Variants in EEFSEC observed in about 807,000 individuals in gnomAD.
The protein encoded by EEFSEC is selenocysteine-specific elongation factor.
In EEFSEC, 43 loss-of-function variants were observed where a neutral mutation model predicts 42.1. The ratio of observed to expected loss-of-function variants is 1.02; its 90% CI spans 0.80 to 1.32. The LOEUF is 1.32. Among genes scored for constraint, EEFSEC ranks in the 40% most tolerant of loss-of-function variants. The pLI is 0.00. For missense variants in EEFSEC, 745 were observed against 803.6 expected (o/e 0.93, Z 0.88); for synonymous variants, 354 against 339.1 (o/e 1.04, Z -0.48).
intron 6 of EEFSEC, among the ~76,000 whole-genome samples, chr3:128,374,840 T>G (rs1248706234): frequency 6.6e-6 from 1 of 152,074 alleles, no homozygotes; most frequent in African/African-American, 2.4e-5. Flanking sequence ...CACAGAGAGG[T>G]AAAGGAAAGT....
chr3:128,304,952 G>A (rs1369234029), intron 4 of EEFSEC, among the ~76,000 whole-genome samples: 1 of 152,070 alleles, frequency 6.6e-6, no homozygotes, highest in Non-Finnish European at 1.5e-5. Context: ...GACCCACCTG[G>A]CTTGACCTCC....
chr3:128,252,345 C>T (rs949307581), intron 2 of EEFSEC, among the ~76,000 whole-genome samples: 3 of 152,182 alleles, frequency 2.0e-5, no homozygotes, highest in Admixed American at 6.5e-5. Flanking sequence ...CTCCATCTCT[C>T]TGAGCTGCTA....
chr3:128,278,107 T>C (rs1484442625), intron 4 of EEFSEC, among the ~76,000 whole-genome samples: 1 of 151,908 alleles, frequency 6.6e-6, no homozygotes, highest in Non-Finnish European at 1.5e-5. Flanking sequence ...TTTTGCAGGG[T>C]GGGTGATGTA....
chr3:128,177,393 A>ACCC (rs1559855853), intron 1 of EEFSEC, among the ~76,000 whole-genome samples: 1 of 133,862 alleles, frequency 7.5e-6, no homozygotes, highest in African/African-American at 2.8e-5. Flanking sequence ...AAATAGTGAC[A>ACCC]CCACCCCCAC....
In EEFSEC at chr3:128,262,087, C is replaced by T. The variant is rs2066302815; in HGVS notation, c.525-41C>T. ...ATGGACGTGCTTTGTGTCCATGTTG[C>T]TGATCTCTGTAACTGTGATGGGACT... is the stretch of plus-strand genomic sequence containing the variant. On this transcript the variant is annotated intron_variant, in intron 2 of 6. Coordinates refer to ENST00000254730, the MANE Select transcript of EEFSEC (RefSeq NM_021937.5). 2.5e-6 allele frequency: 4 copies of T among 1,593,680 alleles called. No homozygotes were observed. In the East Asian group the frequency reaches 8.9e-5, roughly 36 times the overall value.
intron 1 of EEFSEC, among the ~76,000 whole-genome samples, chr3:128,238,528 T>C (rs1429165325): frequency 1.3e-5 from 2 of 152,200 alleles, no homozygotes; most frequent in East Asian, 3.9e-4. Flanking sequence ...TTTGGGGTTT[T>C]CTTTGAGCTT....
At chr3:128,350,878 T>C (rs955798937) in intron 5 of EEFSEC, among the ~76,000 whole-genome samples, 1 of 152,068 alleles carries the variant, frequency 6.6e-6, no homozygotes, top group Non-Finnish European at 1.5e-5. Flanking sequence ...ATGGCCTGCA[T>C]TGAGGAGGAG....
intron 1 of EEFSEC, among the ~76,000 whole-genome samples, chr3:128,179,671 G>A (rs927981635): frequency 6.6e-5 from 10 of 152,130 alleles, no homozygotes; most frequent in Non-Finnish European, 8.8e-5. Context: ...GGCTTGGGCC[G>A]GCAGACGGGC....
Position 128,408,290 on chromosome 3 carries a change from G to A in EEFSEC, c.*31G>A, listed in dbSNP as rs115641692. On this transcript the variant is annotated 3_prime_UTR_variant, in exon 7 of 7. Transcript: ENST00000254730. Reference sequence around the variant, plus strand: ...CGGTGACCTCCCCCAGGGCCTCCTTGCCCAGCCCAGTCCAGGCTGCTGTGC... The same window carrying A: ...CGGTGACCTCCCCCAGGGCCTCCTTACCCAGCCCAGTCCAGGCTGCTGTGC... The A allele has an allele frequency of 8.2e-3, 12,416 of 1,521,978 alleles. 856 individuals carry two copies. In the African/African-American group the frequency reaches 0.15, roughly 19 times the overall value. The allele number at this position is 1,521,978 out of a possible 1,614,324, so 94.3% of individuals were successfully genotyped here. A position where few individuals can be genotyped will look rare whatever the true frequency, so the allele number is the denominator to read the frequency against.
intron 6 of EEFSEC, among the ~76,000 whole-genome samples, chr3:128,365,666 C>T (rs1456282548): frequency 1.3e-5 from 2 of 152,120 alleles, no homozygotes; most frequent in African/African-American, 4.8e-5. Context: ...TGCCCTGTCC[C>T]TACCACAGAG....
At position 128,262,202 on chromosome 3, in the gene EEFSEC, A is replaced by G; in HGVS notation, c.599A>G (p.Gln200Arg). ...GAGGCCCCCGAAACTGAAGCTCCACAGGGCATTCCAGAGCTCATTGAGGTA... is the reference window on the plus strand; with the variant it reads ...GAGGCCCCCGAAACTGAAGCTCCACGGGGCATTCCAGAGCTCATTGAGGTA... The part of the protein sequence containing the change: ...GPEAPETEAP[Q>R]GIPELIELLT... Residue 200 changes from glutamine to arginine, a missense_variant, in exon 3 of 7, where the codon CAG (glutamine) becomes CGG (arginine). Physicochemically the swap from Gln to Arg is conservative, Grantham distance 43. Coordinates refer to ENST00000254730, the MANE Select transcript of EEFSEC (RefSeq NM_021937.5). 1 of 1,614,148 alleles carries G rather than the reference A, an allele frequency of 6.2e-7. No homozygotes were observed. Among genetic ancestry groups the G allele is most frequent in the Non-Finnish European group, 8.5e-7 (1 of 1,179,994 alleles).
intron 6 of EEFSEC, among the ~76,000 whole-genome samples, chr3:128,378,506 G>A (rs2067735483): frequency 6.6e-6 from 1 of 152,230 alleles, no homozygotes; most frequent in East Asian, 1.9e-4. Context: ...GACCAAGGAG[G>A]GAGATAAGCC....
chr3:128,382,204 G>C (rs2067784568), intron 6 of EEFSEC, among the ~76,000 whole-genome samples: 1 of 152,210 alleles, frequency 6.6e-6, no homozygotes, highest in Non-Finnish European at 1.5e-5. Context: ...AGAAACCCAA[G>C]GCCTCAAATC....
At chr3:128,228,471 G>A (rs1484625638) in intron 1 of EEFSEC, among the ~76,000 whole-genome samples, 1 of 152,174 alleles carries the variant, frequency 6.6e-6, no homozygotes, top group Non-Finnish European at 1.5e-5. Context: ...GCTGAAGCAT[G>A]GAGTATGAGG....
At chr3:128,412,021 T>C (rs1333034540), downstream of EEFSEC, among the ~76,000 whole-genome samples, 1 of 152,214 alleles carries the variant, frequency 6.6e-6, no homozygotes, top group African/African-American at 2.4e-5. Flanking sequence ...TTTGTCAGTG[T>C]GTGTATCTCT....
At chr3:128,313,963 G>T (rs192411053) in intron 4 of EEFSEC, among the ~76,000 whole-genome samples, 6 of 152,200 alleles carry the variant, frequency 3.9e-5, no homozygotes, top group Admixed American at 3.9e-4. Flanking sequence ...ATCTCCCCCT[G>T]TTTCTTACAC....
chr3:128,399,208 G>A (rs946622884), intron 6 of EEFSEC, among the ~76,000 whole-genome samples: 1 of 152,178 alleles, frequency 6.6e-6, no homozygotes, highest in Non-Finnish European at 1.5e-5. Flanking sequence ...TTTACATGGT[G>A]CGGGAAAGAT....
chr3:128,194,243 G>A (rs76351750), intron 1 of EEFSEC, among the ~76,000 whole-genome samples: 8 of 152,282 alleles, frequency 5.3e-5, no homozygotes, highest in South Asian at 2.1e-4. Flanking sequence ...TGGGACTTCC[G>A]GAGAGCTTGG....
chr3:128,227,240 T>A (rs2065917168), intron 1 of EEFSEC, among the ~76,000 whole-genome samples: 1 of 152,264 alleles, frequency 6.6e-6, no homozygotes, highest in Non-Finnish European at 1.5e-5. Context: ...TGAGCCCATA[T>A]GCTAATTCCA....
Sources: allele counts gnomAD v4.1 joint callset (sites outside exome capture counted in the v4.1 genomes callset), GRCh38; gene constraint gnomAD v4.1.1; transcripts MANE v1.5; gene names NCBI Gene and HGNC (gene_info 2026-07-23, HGNC 2026-07-21).